Variants in GRIP1 observed in about 807,000 individuals in gnomAD.
The protein encoded by GRIP1 is glutamate receptor-interacting protein 1.
Under a neutral mutation model 129.9 loss-of-function variants are expected in GRIP1, and 45 were observed. The ratio of observed to expected loss-of-function variants is 0.35; its 90% CI spans 0.27 to 0.44. GRIP1 has a LOEUF of 0.44. Among genes scored for constraint, GRIP1 ranks in the 20% least tolerant of loss-of-function variants. GRIP1 has a pLI of 1.00. For synonymous variants in GRIP1, 530 were observed against 520.8 expected, an observed-to-expected ratio of 1.02 and a Z score of -0.24; for missense variants, 1,196 against 1,396.8, an observed-to-expected ratio of 0.86 and a Z score of 2.29.
intron 17 of GRIP1, among the ~76,000 whole-genome samples, chr12:66,393,381 T>G (rs1415882364): frequency 6.6e-6 from 1 of 151,928 alleles, no homozygotes; most frequent in Non-Finnish European, 1.5e-5. Context: ...GTTTCCCCAT[T>G]GGCCAGGCTG....
intron 1 of GRIP1, among the ~76,000 whole-genome samples, chr12:67,050,101 C>T (rs1024458819): frequency 6.9e-6 from 1 of 145,910 alleles, no homozygotes; most frequent in Non-Finnish European, 1.5e-5. Context: ...CTACTATGTG[C>T]TTATTTTATT....
intron 1 of GRIP1, among the ~76,000 whole-genome samples, chr12:66,694,697 G>A (rs1358138982): frequency 6.6e-6 from 1 of 152,038 alleles, no homozygotes; most frequent in African/African-American, 2.4e-5. Context: ...TATTATTTCT[G>A]AGGTCTAATA....
chr12:67,014,308 A>T (rs906911672), intron 1 of GRIP1, among the ~76,000 whole-genome samples: 4 of 152,204 alleles, frequency 2.6e-5, no homozygotes, highest in Admixed American at 2.0e-4. Context: ...TTCCAAAAGT[A>T]TTCTGGTTTG....
At chr12:66,504,752 C>T (rs1176781107) in intron 7 of GRIP1, among the ~76,000 whole-genome samples, 1 of 152,046 alleles carries the variant, frequency 6.6e-6, no homozygotes, top group Non-Finnish European at 1.5e-5. Flanking sequence ...ATTTATTTGT[C>T]CAAGAATATC....
intron 1 of GRIP1, among the ~76,000 whole-genome samples, chr12:66,639,671 A>G (rs2031749570): frequency 6.6e-6 from 1 of 152,230 alleles, no homozygotes; most frequent in Admixed American, 6.5e-5. Context: ...CTATCATTGC[A>G]TTCTTAGTTT....
At chr12:66,963,270 G>C (rs1352462938) in intron 1 of GRIP1, among the ~76,000 whole-genome samples, 1 of 152,066 alleles carries the variant, frequency 6.6e-6, no homozygotes, top group Non-Finnish European at 1.5e-5. Context: ...AGCCATGATT[G>C]CACCACTGTA....
At chr12:66,498,801 A>T (rs547370025) in intron 7 of GRIP1, among the ~76,000 whole-genome samples, 1 of 152,276 alleles carries the variant, frequency 6.6e-6, no homozygotes, top group African/African-American at 2.4e-5. Flanking sequence ...CAACTCTAAC[A>T]TTTTTTATTT....
At chr12:66,809,155 T>C (rs1566033976), upstream of GRIP1, among the ~76,000 whole-genome samples, 1 of 152,222 alleles carries the variant, frequency 6.6e-6, no homozygotes, top group Non-Finnish European at 1.5e-5. Flanking sequence ...TTTTGGGAAG[T>C]AGGCAATTGC....
intron 1 of GRIP1, among the ~76,000 whole-genome samples, chr12:66,611,396 A>G (rs1414194225): frequency 6.6e-6 from 1 of 152,198 alleles, no homozygotes; most frequent in Non-Finnish European, 1.5e-5. Context: ...TTGAAAAAAG[A>G]TGTTAAATTT....
At chr12:67,023,747 C>A (rs1592480972) in intron 1 of GRIP1, among the ~76,000 whole-genome samples, 1 of 152,102 alleles carries the variant, frequency 6.6e-6, no homozygotes, top group Non-Finnish European at 1.5e-5. Context: ...CTCCCTGTCA[C>A]CCTCACACTA....
intron 1 of GRIP1, among the ~76,000 whole-genome samples, chr12:66,775,760 TC>T (rs2037959091): frequency 6.6e-6 from 1 of 152,124 alleles, no homozygotes; most frequent in African/African-American, 2.4e-5. Context: ...AAACAACTGC[TC>T]TTTCTCCAAC....
At chr12:66,409,395 TG>T (rs1031004608) in intron 15 of GRIP1, among the ~76,000 whole-genome samples, 10 of 152,366 alleles carry the variant, frequency 6.6e-5, no homozygotes, top group African/African-American at 2.4e-4. Context: ...GTAATCCAGA[TG>T]ATTCTTCTGG....
At chr12:66,921,690 A>G (rs1263027165) in intron 1 of GRIP1, among the ~76,000 whole-genome samples, 1 of 152,228 alleles carries the variant, frequency 6.6e-6, no homozygotes, top group Non-Finnish European at 1.5e-5. Context: ...CTGAACACAC[A>G]AATCAGGAAG....
At chr12:67,059,480 C>A (rs2043494657) in intron 1 of GRIP1, among the ~76,000 whole-genome samples, 1 of 152,186 alleles carries the variant, frequency 6.6e-6, no homozygotes, top group Non-Finnish European at 1.5e-5. Flanking sequence ...TCACCCAGGG[C>A]AATAAGAATA....
intron 14 of GRIP1, among the ~76,000 whole-genome samples, chr12:66,428,205 T>C (rs2058044917): frequency 1.3e-5 from 2 of 152,200 alleles, no homozygotes; most frequent in Admixed American, 1.3e-4. Context: ...ACATACAAAC[T>C]CTTAATCATT....
chr12:66,467,313 G>A (rs966174550), intron 7 of GRIP1, among the ~76,000 whole-genome samples: 10 of 152,192 alleles, frequency 6.6e-5, no homozygotes, highest in African/African-American at 1.4e-4. Flanking sequence ...CTCTGCTCTC[G>A]CTCACCTTGA....
Position 66,557,667 on chromosome 12 carries a change from T to C in GRIP1, c.137-15717A>G, listed in dbSNP as rs1260612360. On this transcript the variant is annotated intron_variant, in intron 2 of 24. Transcript: ENST00000359742. ...CTAGAAATCAGTAACAAGAGGAATT[T>C]TGGAAATTCAACAAACACATGGAAA... 4.6e-5 allele frequency among the ~76,000 whole-genome samples: 7 copies of C among 152,118 alleles called. No homozygotes were observed. In the East Asian group the frequency reaches 1.2e-3, roughly 25 times the overall value.
intron 1 of GRIP1, among the ~76,000 whole-genome samples, chr12:67,034,547 T>TA (rs200585504): frequency 1.8e-4 from 28 of 152,044 alleles, no homozygotes; most frequent in Non-Finnish European, 3.5e-4. Context: ...ATATAAAAGA[T>TA]AAAAAAAATG....
chr12:66,975,713 G>T (rs1488192472), intron 1 of GRIP1, among the ~76,000 whole-genome samples: 6 of 152,182 alleles, frequency 3.9e-5, no homozygotes, highest in Non-Finnish European at 7.4e-5. Context: ...ACAGAGACCA[G>T]TTAGGAGAGT....
Sources: allele counts gnomAD v4.1 joint callset (sites outside exome capture counted in the v4.1 genomes callset), GRCh38; gene constraint gnomAD v4.1.1; transcripts MANE v1.5; gene names NCBI Gene and HGNC (gene_info 2026-07-23, HGNC 2026-07-21).